SNX30: variants seen among roughly 807,000 people sequenced by gnomAD.
The protein encoded by SNX30 is sorting nexin-30.
A neutral mutation model predicts 46.4 loss-of-function variants in SNX30; 24 were observed. The observed-to-expected ratio is 0.52, with a 90% CI of 0.37 to 0.73. The LOEUF (loss-of-function observed/expected upper bound fraction) is 0.73, where lower values mean the gene tolerates loss of function less well. Among genes scored for constraint, SNX30 ranks in the 30% least tolerant of loss-of-function variants. SNX30 has a pLI of 0.00. For synonymous variants in SNX30, 189 were observed against 211.5 expected, an observed-to-expected ratio of 0.89 and a Z score of 0.92; for missense variants, 533 against 555.7, an observed-to-expected ratio of 0.96 and a Z score of 0.41.
chr9:112,805,050 C>T, intron 2 of SNX30, 83 bp downstream of exon 2: 4 of 1,077,180 alleles, frequency 3.7e-6, no homozygotes, highest in Non-Finnish European at 5.3e-6. Context: ...CCTTTGCTCT[C>T]CCCCTTATTG....
chr9:112,804,309 C>T (rs1660448816), intron 1 of SNX30, among the ~76,000 whole-genome samples: 1 of 152,198 alleles, frequency 6.6e-6, no homozygotes, highest in Non-Finnish European at 1.5e-5. Flanking sequence ...GGATCACAGG[C>T]ATGCACCACC....
intron 1 of SNX30, among the ~76,000 whole-genome samples, chr9:112,755,460 G>T (rs1164065984): frequency 1.3e-5 from 2 of 151,962 alleles, no homozygotes; most frequent in Non-Finnish European, 2.9e-5. Context: ...TCACCCTGAG[G>T]ACTTTGGCCT....
At chr9:112,817,681 T>G (rs1840422046) in intron 2 of SNX30, 24 bp from the exon 3 acceptor site, 2 of 1,414,138 alleles carry the variant, frequency 1.4e-6, no homozygotes, top group Admixed American at 3.3e-5. Flanking sequence ...TTATGCTTAT[T>G]TTTTTCCATT....
intron 1 of SNX30, among the ~76,000 whole-genome samples, chr9:112,756,905 T>A (rs1839359218): frequency 6.6e-6 from 1 of 152,238 alleles, no homozygotes; most frequent in Admixed American, 6.5e-5. Flanking sequence ...CTTGATGTTA[T>A]GGGATACACA....
chr9:112,760,828 G>A (rs1431271783), intron 1 of SNX30, among the ~76,000 whole-genome samples: 1 of 152,108 alleles, frequency 6.6e-6, no homozygotes, highest in Non-Finnish European at 1.5e-5. Context: ...ATTCCTATTG[G>A]CAGCCCCACT....
chr9:112,772,488 G>A (rs532221892), intron 1 of SNX30, among the ~76,000 whole-genome samples: 1 of 152,316 alleles, frequency 6.6e-6, no homozygotes, highest in South Asian at 2.1e-4. Context: ...ATTGACAGGT[G>A]TGGGGCTGTG....
intron 2 of SNX30, among the ~76,000 whole-genome samples, chr9:112,806,077 T>C (rs1302722778): frequency 1.3e-5 from 2 of 152,206 alleles, no homozygotes; most frequent in Admixed American, 1.3e-4. Context: ...TATTAACCTT[T>C]TGGACTGAAG....
chr9:112,752,138 G>A (rs1474969844), intron 1 of SNX30, among the ~76,000 whole-genome samples: 1 of 152,134 alleles, frequency 6.6e-6, no homozygotes, highest in Non-Finnish European at 1.5e-5. Flanking sequence ...TTCTTCTCCC[G>A]TTAGAGGGGA....
At chr9:112,849,997 C>T (rs1840998077) in intron 6 of SNX30, among the ~76,000 whole-genome samples, 2 of 152,166 alleles carry the variant, frequency 1.3e-5, no homozygotes, top group South Asian at 4.1e-4. Context: ...TTCTGTTTTG[C>T]TTGGTGGGTT....
intron 1 of SNX30, among the ~76,000 whole-genome samples, chr9:112,760,215 G>A (rs1839414590): frequency 6.6e-6 from 1 of 152,162 alleles, no homozygotes; most frequent in Non-Finnish European, 1.5e-5. Context: ...GCGAAGTTAA[G>A]TAGAACCCAG....
intron 1 of SNX30, among the ~76,000 whole-genome samples, chr9:112,777,559 TG>T (rs1369943269): frequency 6.6e-6 from 1 of 151,238 alleles, no homozygotes; most frequent in East Asian, 1.9e-4. Context: ...CCAGAGTAGC[TG>T]GGACTACAGG....
intron 7 of SNX30, among the ~76,000 whole-genome samples, chr9:112,863,679 AAAC>A (rs1434285341): frequency 6.6e-6 from 1 of 152,216 alleles, no homozygotes; most frequent in Non-Finnish European, 1.5e-5. Flanking sequence ...GGAAAAGCAT[AAAC>A]AAGCCTCCAG....
chr9:112,828,728 T>G (rs1840614819), intron 3 of SNX30, among the ~76,000 whole-genome samples: 1 of 152,232 alleles, frequency 6.6e-6, no homozygotes, highest in African/African-American at 2.4e-5. Flanking sequence ...ACTATTATTA[T>G]GCTTTATGAC....
At chr9:112,769,513 C>T (rs934511737) in intron 1 of SNX30, among the ~76,000 whole-genome samples, 1 of 152,186 alleles carries the variant, frequency 6.6e-6, no homozygotes, top group East Asian at 1.9e-4. Flanking sequence ...TGGCATGGAC[C>T]AGGCACCACC....
chr9:112,755,898 G>A (rs1839340834), intron 1 of SNX30, among the ~76,000 whole-genome samples: 1 of 152,034 alleles, frequency 6.6e-6, no homozygotes, highest in Admixed American at 6.6e-5. Context: ...GATAGTTCTG[G>A]CCAAAGCTCT....
chr9:112,794,386 CGT>C (rs1840074881), intron 1 of SNX30, among the ~76,000 whole-genome samples: 1 of 152,094 alleles, frequency 6.6e-6, no homozygotes, highest in African/African-American at 2.4e-5. Flanking sequence ...CTCCTGACCT[CGT>C]GATCCACCCG....
At chr9:112,848,871 C>T (rs891411295) in intron 6 of SNX30, among the ~76,000 whole-genome samples, 6 of 152,150 alleles carry the variant, frequency 3.9e-5, no homozygotes, top group Admixed American at 3.9e-4. Context: ...TGATGCATCT[C>T]CTCCCCACCC....
intron 1 of SNX30, among the ~76,000 whole-genome samples, chr9:112,783,053 G>A (rs1459409272): frequency 1.3e-5 from 2 of 152,224 alleles, no homozygotes; most frequent in Non-Finnish European, 2.9e-5. Flanking sequence ...TCTGCCACTG[G>A]TGGTTCAGGA....
chr9:112,877,848 G>C (rs1322416590), downstream of SNX30: 3 of 152,170 alleles, frequency 2.0e-5, no homozygotes, highest in African/African-American at 7.2e-5. Flanking sequence ...CTCCTGAGTA[G>C]CTGGGATTAT....
Sources: allele counts gnomAD v4.1 joint callset (sites outside exome capture counted in the v4.1 genomes callset), GRCh38; gene constraint gnomAD v4.1.1; transcripts MANE v1.5; gene names NCBI Gene and HGNC (gene_info 2026-07-23, HGNC 2026-07-21).